The following PDE7A variants were observed in gnomAD, a reference collection of about 807,000 sequenced individuals.
PDE7A encodes the protein phosphodiesterase 7A.
Under a neutral mutation model 64.3 loss-of-function variants are expected in PDE7A, and 39 were observed. That is an observed-to-expected ratio of 0.61 (90% CI 0.47 to 0.79). PDE7A has a LOEUF of 0.79. Among genes scored for constraint, PDE7A ranks in the 30% least tolerant of loss-of-function variants. The pLI is 0.00. For missense variants in PDE7A, 470 were observed against 582.8 expected (o/e 0.81, Z 1.99); for synonymous variants, 203 against 206.8 (o/e 0.98, Z 0.16).
chr8:65,764,379 G>A (rs1026422254), intron 3 of PDE7A, among the ~76,000 whole-genome samples: 2 of 152,222 alleles, frequency 1.3e-5, no homozygotes, highest in African/African-American at 4.8e-5. Flanking sequence ...GCAAACTCGA[G>A]TCTGAATGAG....
At chr8:65,818,521 C>CT (rs1810468316) in intron 1 of PDE7A, among the ~76,000 whole-genome samples, 1 of 152,196 alleles carries the variant, frequency 6.6e-6, no homozygotes, top group Non-Finnish European at 1.5e-5. Context: ...CTGTGACACT[C>CT]AACAGAGACT....
At chr8:65,752,325 C>T (rs1808007811) in intron 3 of PDE7A, among the ~76,000 whole-genome samples, 1 of 152,176 alleles carries the variant, frequency 6.6e-6, no homozygotes, top group Non-Finnish European at 1.5e-5. Flanking sequence ...TGTGTTCATA[C>T]TCTAGTAGTA....
In PDE7A at chr8:65,762,700, T is replaced by A. The variant is rs7822488; in HGVS notation, c.284-14897A>T. On this transcript the variant is annotated intron_variant, in intron 3 of 12. Transcript: ENST00000401827. ...CATTATTATGAATATCAAATATTTTTAAATATGTCATACCATTTTTTTTAA... is the reference window on the plus strand; with the variant it reads ...CATTATTATGAATATCAAATATTTTAAAATATGTCATACCATTTTTTTTAA... Among the ~76,000 whole-genome samples the A allele has an allele frequency of 7.4e-4, 112 of 152,222 alleles. 1 individual carries two copies. Among genetic ancestry groups the A allele is most frequent in the African/African-American group, 2.5e-3 (103 of 41,464 alleles).
At chr8:65,723,417 CTTAAA>C (rs1252311119) in intron 12 of PDE7A, 119 bp downstream of exon 12, 14 of 973,674 alleles carry the variant, frequency 1.4e-5, no homozygotes, top group Non-Finnish European at 1.5e-5. Flanking sequence ...GGTAAAATTT[CTTAAA>C]TTATTTTTAA....
At chr8:65,811,601 G>C (rs1004727828) in intron 1 of PDE7A, among the ~76,000 whole-genome samples, 9 of 152,192 alleles carry the variant, frequency 5.9e-5, no homozygotes, top group African/African-American at 1.7e-4. Flanking sequence ...ATTCTCCTTT[G>C]ACTGTTTATG....
intron 1 of PDE7A, among the ~76,000 whole-genome samples, chr8:65,792,312 C>T (rs1809722935): frequency 6.6e-6 from 1 of 152,178 alleles, no homozygotes; most frequent in Non-Finnish European, 1.5e-5. Flanking sequence ...GTTTATAAGG[C>T]TAATATCAGA....
At chr8:65,841,109 G>A (rs1378541294) in intron 1 of PDE7A, among the ~76,000 whole-genome samples, 1 of 152,218 alleles carries the variant, frequency 6.6e-6, no homozygotes, top group Non-Finnish European at 1.5e-5. Flanking sequence ...TAAACTGCTG[G>A]GCACAGAGGG....
chr8:65,782,264 A>G (rs1809440186), intron 2 of PDE7A, among the ~76,000 whole-genome samples: 1 of 152,226 alleles, frequency 6.6e-6, no homozygotes. Context: ...AGAAAAAGAG[A>G]AAAAGAAAAT....
At chr8:65,752,990 T>C (rs949879694) in intron 3 of PDE7A, among the ~76,000 whole-genome samples, 4 of 152,254 alleles carry the variant, frequency 2.6e-5, no homozygotes, top group Non-Finnish European at 4.4e-5. Context: ...ACATGTCTAA[T>C]GCAACTGAAC....
At chr8:65,809,919 C>T (rs1192154969) in intron 1 of PDE7A, among the ~76,000 whole-genome samples, 1 of 152,100 alleles carries the variant, frequency 6.6e-6, no homozygotes, top group East Asian at 1.9e-4. Flanking sequence ...TTAGTTCAAC[C>T]ATTGTGGAAG....
At chr8:65,808,233 C>T (rs1452082755) in intron 1 of PDE7A, among the ~76,000 whole-genome samples, 1 of 152,176 alleles carries the variant, frequency 6.6e-6, no homozygotes, top group Non-Finnish European at 1.5e-5. Flanking sequence ...AGTTGCTACA[C>T]ATTTAGCAGC....
intron 10 of PDE7A, 71 bp from the exon 11 acceptor site, chr8:65,724,422 C>T: frequency 1.0e-6 from 1 of 954,508 alleles, no homozygotes. Flanking sequence ...GAACCAAGTG[C>T]AAGGACTGGA....
chr8:65,740,920 T>A (rs1162218616), intron 5 of PDE7A, among the ~76,000 whole-genome samples: 1 of 152,016 alleles, frequency 6.6e-6, no homozygotes, highest in South Asian at 2.1e-4. Context: ...ACCTGCTCCA[T>A]CCCCCTACAG....
At chr8:65,829,751 G>A (rs890524414) in intron 1 of PDE7A, among the ~76,000 whole-genome samples, 1 of 152,030 alleles carries the variant, frequency 6.6e-6, no homozygotes, top group African/African-American at 2.4e-5. Flanking sequence ...TGATTCCACA[G>A]AGTGATGAAG....
At chr8:65,823,379 GTATGT>G (rs1453032911) in intron 1 of PDE7A, among the ~76,000 whole-genome samples, 1 of 152,056 alleles carries the variant, frequency 6.6e-6, no homozygotes, top group Non-Finnish European at 1.5e-5. Context: ...TTGTCCTCTT[GTATGT>G]TATTATTATT....
chr8:65,732,131 T>A (rs1329393864), intron 7 of PDE7A, among the ~76,000 whole-genome samples: 1 of 152,074 alleles, frequency 6.6e-6, no homozygotes, highest in African/African-American at 2.4e-5. Context: ...CCCAGGTAGC[T>A]GGGATTACAG....
intron 1 of PDE7A, among the ~76,000 whole-genome samples, chr8:65,818,749 A>T (rs1020333875): frequency 9.8e-5 from 15 of 152,358 alleles, no homozygotes; most frequent in African/African-American, 1.4e-4. Flanking sequence ...TGTTGAGCAC[A>T]TGCACAGCCT....
At chr8:65,815,053 G>A (rs1585940366) in intron 1 of PDE7A, among the ~76,000 whole-genome samples, 1 of 151,652 alleles carries the variant, frequency 6.6e-6, no homozygotes, top group East Asian at 1.9e-4. Context: ...TGTACTTCAG[G>A]CTGTGTGACA....
chr8:65,719,764 A>C, intron 12 of PDE7A: 1 of 440,060 alleles, frequency 2.3e-6, no homozygotes, highest in African/African-American at 2.0e-5. Context: ...TCTCAGTGGC[A>C]CAACTACATT....
Sources: gnomAD v4.1 joint callset for allele counts (sites outside exome capture counted in the v4.1 genomes callset) on GRCh38, gnomAD v4.1.1 for gene constraint, MANE v1.5 for transcripts, NCBI Gene and HGNC (gene_info 2026-07-23, HGNC 2026-07-21) for gene names.